The following TLN2 variants were observed in gnomAD, a reference collection of about 807,000 sequenced individuals.
The protein encoded by TLN2 is talin 2.
In TLN2, 118 loss-of-function variants were observed where a neutral mutation model predicts 294.7. The ratio of observed to expected loss-of-function variants is 0.40; its 90% CI spans 0.34 to 0.47. TLN2 has a LOEUF of 0.47. Ranked by LOEUF, TLN2 falls within the 20% of genes least tolerant of loss-of-function variation. The probability of loss-of-function intolerance (pLI) is 0.84; values close to 1 mark genes in which losing one functional copy is unlikely to be tolerated. For synonymous variants in TLN2, 1,431 were observed against 1,304.5 expected (o/e 1.10, Z -2.09); for missense variants, 3,083 against 3,282.2 (o/e 0.94, Z 1.48).
Position 62,835,880 on chromosome 15 carries a change from A to G in TLN2, c.7192-11A>G. On this transcript the variant is annotated splice_polypyrimidine_tract_variant and intron_variant, in intron 56 of 58. Transcript: ENST00000636159. Reference sequence around the variant, plus strand: ...TGGGCCTTGGGTCACTTCTCCGTTGACTGTCCCCAGGCCCGGATGGTGGCG... The same window carrying G: ...TGGGCCTTGGGTCACTTCTCCGTTGGCTGTCCCCAGGCCCGGATGGTGGCG... The G allele has an allele frequency of 6.2e-7, 1 of 1,614,050 alleles. No homozygotes were observed. Among genetic ancestry groups the G allele is most frequent in the South Asian group, 1.1e-5 (1 of 91,076 alleles).
chr15:62,696,810 A>T lies in TLN2; in HGVS notation c.1293-878A>T, dbSNP rs1010815552. 3.3e-5 allele frequency among the ~76,000 whole-genome samples: 5 copies of T among 152,198 alleles called. No individual in the cohort carries two copies. In the East Asian group the frequency reaches 7.7e-4, roughly 23 times the overall value. On this transcript the variant is annotated intron_variant, in intron 14 of 58. Transcript: ENST00000636159. ...TTTGGGGAAGGTTCCAAAGCCTCAC[A>T]TGGTTGAGGCTCTAGAGGCGATGAA... is the stretch of plus-strand genomic sequence containing the variant.
intron 1 of TLN2, among the ~76,000 whole-genome samples, chr15:62,447,184 T>TTTATTTAATTAA (rs1369075863): frequency 4.0e-5 from 6 of 151,648 alleles, no homozygotes; most frequent in African/African-American, 1.2e-4. Flanking sequence ...TATTTATTTA[T>TTTATTTAATTAA]TTAATTAGGA....
intron 2 of TLN2, among the ~76,000 whole-genome samples, chr15:62,599,188 G>A (rs1567169607): frequency 6.6e-6 from 1 of 152,184 alleles, no homozygotes; most frequent in Non-Finnish European, 1.5e-5. Flanking sequence ...AACATCTTTA[G>A]AGCTGGGCCT....
chr15:62,753,501 A>G (rs533216127), intron 35 of TLN2, among the ~76,000 whole-genome samples: 2 of 152,338 alleles, frequency 1.3e-5, no homozygotes, highest in Admixed American at 6.5e-5. Flanking sequence ...ATCCTTATCC[A>G]TGCCCCCAAA....
rs764248336 is a variant in TLN2, at chr15:62,582,246, A to ACACACACACACACCCCCC, written c.-237-7439_-237-7438insCACACACACACCCCCCCA. 6.0e-4 allele frequency among the ~76,000 whole-genome samples: 83 copies of ACACACACACACACCCCCC among 137,308 alleles called. 1 individual carries two copies. Among genetic ancestry groups the ACACACACACACACCCCCC allele is most frequent in the East Asian group, 2.3e-3 (10 of 4,332 alleles). The allele number at this position is 137,308 out of a possible 152,430, so 90.1% of individuals were successfully genotyped here. A position where few individuals can be genotyped will look rare whatever the true frequency, so the allele number is the denominator to read the frequency against. Reference sequence around the variant, plus strand: ...CACACACACACACACACACACACACACATTCATGCCTGACCCATTCCTGAC... The same window carrying ACACACACACACACCCCCC: ...CACACACACACACACACACACACACACACACACACACACCCCCCCATTCATGCCTGACCCATTCCTGAC... On this transcript the variant is annotated intron_variant, in intron 1 of 58. Coordinates refer to ENST00000636159, the MANE Select transcript of TLN2 (RefSeq NM_015059.3).
chr15:62,727,488 A>G (rs2060502458), intron 28 of TLN2, among the ~76,000 whole-genome samples: 1 of 152,226 alleles, frequency 6.6e-6, no homozygotes, highest in Admixed American at 6.5e-5. Context: ...TAAAGGCATA[A>G]AAAAAGGTTA....
intron 11 of TLN2, among the ~76,000 whole-genome samples, chr15:62,679,915 C>A (rs561303311): frequency 2.0e-4 from 31 of 152,328 alleles, no homozygotes; most frequent in African/African-American, 7.2e-4. Flanking sequence ...GTTACTCCAG[C>A]ACCATTTGTT....
chr15:62,587,598 C>A (rs1253354830), intron 1 of TLN2, among the ~76,000 whole-genome samples: 2 of 152,130 alleles, frequency 1.3e-5, no homozygotes, highest in African/African-American at 2.4e-5. Context: ...TATCTGTGGG[C>A]CTTTAGGGGC....
At chr15:62,466,287 C>T (rs550475267) in intron 1 of TLN2, among the ~76,000 whole-genome samples, 8 of 152,346 alleles carry the variant, frequency 5.3e-5, no homozygotes, top group Middle Eastern at 3.4e-3. Context: ...TATCAGAGAA[C>T]GAACTAGGAC....
At chr15:62,489,599 G>T (rs1423146524) in intron 1 of TLN2, among the ~76,000 whole-genome samples, 2 of 152,050 alleles carry the variant, frequency 1.3e-5, no homozygotes, top group African/African-American at 4.8e-5. Context: ...CAAATCTTCA[G>T]TTCTCCTCCC....
At position 62,639,163 on chromosome 15, in the gene TLN2, T is replaced by C. The variant is rs141376539; in HGVS notation, c.-36-8112T>C. Among the ~76,000 whole-genome samples the C allele has an allele frequency of 1.0e-3, 156 of 152,336 alleles. 1 individual carries two copies. Among genetic ancestry groups the C allele is most frequent in the African/African-American group, 3.6e-3 (149 of 41,566 alleles). ...AGAGATGACTCCATTGATGTAGTTA[T>C]TGCTCTCTGAGGCCAGCAGGGGAGA... is the stretch of plus-strand genomic sequence containing the variant. On this transcript the variant is annotated intron_variant, in intron 3 of 58. Transcript: ENST00000636159.
intron 41 of TLN2, among the ~76,000 whole-genome samples, chr15:62,768,289 T>C (rs1334331020): frequency 1.3e-5 from 2 of 152,210 alleles, no homozygotes; most frequent in African/African-American, 4.8e-5. Context: ...ACAGAGACTG[T>C]AGAGTGGATT....
intron 3 of TLN2, among the ~76,000 whole-genome samples, chr15:62,630,959 G>A (rs747300975): frequency 6.6e-6 from 1 of 152,058 alleles, no homozygotes; most frequent in Non-Finnish European, 1.5e-5. Flanking sequence ...GATGTCTTTC[G>A]AAAGATAAAT....
chr15:62,753,297 G>A (rs1387896919), intron 35 of TLN2, among the ~76,000 whole-genome samples: 1 of 152,092 alleles, frequency 6.6e-6, no homozygotes, highest in African/African-American at 2.4e-5. Context: ...ACATGCTTCG[G>A]TAAGCTACGA....
Position 62,698,930 on chromosome 15 carries a change from C to T in TLN2, c.1587+63C>T, listed in dbSNP as rs933751616. 9 of 1,457,444 alleles carry T rather than the reference C, an allele frequency of 6.2e-6. No homozygotes were observed. In the East Asian group the frequency reaches 1.9e-4, roughly 31 times the overall value. The allele number at this position is 1,457,444 out of a possible 1,614,324, so 90.3% of individuals were successfully genotyped here. ...CCCTGGCAGAAAGCAGGGTTATATA[C>T]TCTGTCGGGATTCATCTAGGTAAAT... On this transcript the variant is annotated intron_variant, in intron 16 of 58. Coordinates refer to ENST00000636159, the MANE Select transcript of TLN2 (RefSeq NM_015059.3).
At chr15:62,565,244 T>G (rs1415092986) in intron 1 of TLN2, among the ~76,000 whole-genome samples, 1 of 152,156 alleles carries the variant, frequency 6.6e-6, no homozygotes, top group African/African-American at 2.4e-5. Context: ...TGAGAAGTAT[T>G]TACGATATTC....
intron 45 of TLN2, among the ~76,000 whole-genome samples, chr15:62,786,516 A>G (rs1440893103): frequency 1.3e-5 from 2 of 152,206 alleles, no homozygotes; most frequent in Admixed American, 1.3e-4. Flanking sequence ...CCTTAAAAAA[A>G]GAAGAAGAAA....
chr15:62,796,331 G>A (rs1249501986), intron 47 of TLN2, 38 bp downstream of exon 47: 6 of 1,576,994 alleles, frequency 3.8e-6, no homozygotes, highest in Non-Finnish European at 4.3e-6. Context: ...GTTCAGGCTG[G>A]CCTGCCCCTG....
At chr15:62,602,329 T>C (rs1396515595) in intron 2 of TLN2, among the ~76,000 whole-genome samples, 1 of 152,244 alleles carries the variant, frequency 6.6e-6, no homozygotes, top group Non-Finnish European at 1.5e-5. Context: ...TACACAACAG[T>C]ATATTCGAAA....
Sources: gnomAD v4.1 joint callset for allele counts (sites outside exome capture counted in the v4.1 genomes callset) on GRCh38, gnomAD v4.1.1 for gene constraint, MANE v1.5 for transcripts, NCBI Gene and HGNC (gene_info 2026-07-23, HGNC 2026-07-21) for gene names.